The following RALY variants were observed in gnomAD, a reference collection of about 807,000 sequenced individuals.
The protein encoded by RALY is RNA-binding protein Raly.
In RALY, 15 loss-of-function variants were observed where a neutral mutation model predicts 30.7. That is an observed-to-expected ratio of 0.49 (90% confidence interval 0.33 to 0.75). The LOEUF is 0.75. Among genes scored for constraint, RALY ranks in the 30% least tolerant of loss-of-function variants. The pLI is 0.02. For synonymous variants in RALY, 177 were observed against 170.8 expected (o/e 1.04, Z -0.28); for missense variants, 339 against 414.3 (o/e 0.82, Z 1.58).
chr20:33,998,987 G>A (rs183438694), intron 1 of RALY, among the ~76,000 whole-genome samples: 4 of 151,936 alleles, frequency 2.6e-5, no homozygotes, highest in African/African-American at 4.8e-5. Context: ...AAAATTAGTC[G>A]GGTGTGGTGG....
chr20:34,035,187 A>AAAAAAT, intron 2 of RALY, among the ~76,000 whole-genome samples: 1 of 134,304 alleles, frequency 7.4e-6, no homozygotes, highest in Non-Finnish European at 1.6e-5. Flanking sequence ...AAAAAAAAAA[A>AAAAAAT]CAGTCTGGAG....
chr20:33,998,683 CA>C (rs1431422991), intron 1 of RALY, among the ~76,000 whole-genome samples: 1 of 152,082 alleles, frequency 6.6e-6, no homozygotes, highest in African/African-American at 2.4e-5. Context: ...ATTCAATGTG[CA>C]TTTTGGAAGG....
At chr20:34,039,840 C>CGGT (rs2032631178) in intron 2 of RALY, among the ~76,000 whole-genome samples, 1 of 152,068 alleles carries the variant, frequency 6.6e-6, no homozygotes. Flanking sequence ...GGGCTGGGCG[C>CGGT]GGTGGCTCAT....
intron 2 of RALY, among the ~76,000 whole-genome samples, chr20:34,045,078 T>TA (rs1450588194): frequency 3.9e-5 from 6 of 151,988 alleles, no homozygotes; most frequent in African/African-American, 7.3e-5. Context: ...CCTAGCTAAT[T>TA]AAAAATTTTT....
At chr20:34,068,325 A>AG (rs1250665309) in intron 2 of RALY, among the ~76,000 whole-genome samples, 1 of 152,172 alleles carries the variant, frequency 6.6e-6, no homozygotes, top group Non-Finnish European at 1.5e-5. Flanking sequence ...ACTCTAAGCT[A>AG]GGGGGTACCT....
chr20:34,008,308 A>G (rs901574889), intron 1 of RALY, among the ~76,000 whole-genome samples: 1 of 152,176 alleles, frequency 6.6e-6, no homozygotes, highest in African/African-American at 2.4e-5. Flanking sequence ...ACATAGAATA[A>G]TGATGGAATG....
At chr20:34,055,858 TG>T (rs1299048696) in intron 2 of RALY, among the ~76,000 whole-genome samples, 1 of 152,238 alleles carries the variant, frequency 6.6e-6, no homozygotes, top group Non-Finnish European at 1.5e-5. Flanking sequence ...AATGGATCCA[TG>T]GGCACTATTG....
Position 34,075,897 on chromosome 20 carries a change from T to G in RALY, c.401T>G (p.Leu134Arg), listed in dbSNP as rs1240745467. The G allele has an allele frequency of 6.2e-7, 1 of 1,613,920 alleles. No individual in the cohort carries two copies. The part of the protein sequence containing the change: ...YDRLFDYRGR[L>R]SPVPVPRAVP... ...AGGCTCTTCGACTACCGGGGCCGTC[T>G]GTCGCCCGTGCCAGTGCCCAGGGCG... The change falls in exon 6 of 10, where the codon CTG becomes CGG. Residue 134 changes from leucine (L) to arginine (R), a missense_variant. This residue lies in a region of RALY where 268 missense variants were observed against 280.6 expected (regional missense o/e 0.95). Coordinates refer to ENST00000246194, the MANE Select transcript of RALY (RefSeq NM_016732.3).
At chr20:34,037,116 T>C (rs1011750875) in intron 2 of RALY, among the ~76,000 whole-genome samples, 1 of 152,236 alleles carries the variant, frequency 6.6e-6, no homozygotes, top group Non-Finnish European at 1.5e-5. Flanking sequence ...CTCCTTCTGA[T>C]ACAGTAGCCT....
chr20:34,035,808 GA>G (rs776007365), intron 2 of RALY, among the ~76,000 whole-genome samples: 83 of 152,128 alleles, frequency 5.5e-4, no homozygotes, highest in Non-Finnish European at 9.0e-4. Context: ...TAAATCTGAA[GA>G]AAAATAGCAG....
At chr20:34,057,594 G>A (rs919477960) in intron 2 of RALY, among the ~76,000 whole-genome samples, 1 of 151,356 alleles carries the variant, frequency 6.6e-6, no homozygotes, top group Non-Finnish European at 1.5e-5. Context: ...ATGAACCTGG[G>A]AGGCGGAGCT....
At chr20:34,034,624 A>G (rs574056525) in intron 2 of RALY, among the ~76,000 whole-genome samples, 33 of 152,384 alleles carry the variant, frequency 2.2e-4, no homozygotes, top group Admixed American at 4.6e-4. Context: ...TCATTTTTCC[A>G]GAGTCCAACT....
chr20:34,051,712 C>T (rs1389838661), intron 2 of RALY, among the ~76,000 whole-genome samples: 2 of 152,184 alleles, frequency 1.3e-5, no homozygotes, highest in Non-Finnish European at 2.9e-5. Context: ...TCTCCTGCCT[C>T]AGCCTCCCCA....
chr20:34,037,227 G>A (rs2032529336), intron 2 of RALY, among the ~76,000 whole-genome samples: 1 of 152,190 alleles, frequency 6.6e-6, no homozygotes, highest in Non-Finnish European at 1.5e-5. Context: ...GGGTGCTAGG[G>A]CTAGACCCAT....
chr20:34,046,008 A>G lies in RALY; in HGVS notation c.-10+14404A>G, dbSNP rs374806987. On this transcript the variant is annotated intron_variant, in intron 2 of 9. Coordinates refer to ENST00000246194, the MANE Select transcript of RALY (RefSeq NM_016732.3). The stretch of plus-strand genomic sequence containing the variant: ...ACCCATGTAATTGACACAAGCAGCT[A>G]GCAGCATTCCAGGACCCCATGCCAC... 1.9e-4 allele frequency among the ~76,000 whole-genome samples: 29 copies of G among 152,334 alleles called. No homozygotes were observed. In the South Asian group the frequency reaches 3.7e-3, roughly 20 times the overall value.
intron 2 of RALY, among the ~76,000 whole-genome samples, chr20:34,069,749 CT>C (rs1275050646): frequency 2.0e-5 from 3 of 152,196 alleles, no homozygotes; most frequent in Non-Finnish European, 4.4e-5. Flanking sequence ...GTGTTACTAC[CT>C]TTGTGTCCCT....
intron 8 of RALY, chr20:34,077,722 G>A (rs1047717262): frequency 4.5e-6 from 1 of 223,110 alleles, no homozygotes; most frequent in African/African-American, 2.4e-5. Context: ...CATTTGACAA[G>A]GAGCTTATGT....
chr20:34,077,302 G>A lies in RALY; in HGVS notation c.876+57G>A, dbSNP rs947803562. 6.9e-6 allele frequency: 11 copies of A among 1,602,624 alleles called. No homozygotes were observed. The Admixed American group carries it at 1.0e-4, about 15-fold the overall frequency. Reference sequence around the variant, plus strand: ...TCGACTGTGCTCCTACTCTCAGGAGGCCAACAGGGGAATGGGCAGCCTGAG... The same window carrying A: ...TCGACTGTGCTCCTACTCTCAGGAGACCAACAGGGGAATGGGCAGCCTGAG... On this transcript the variant is annotated intron_variant, in intron 8 of 9. Coordinates refer to ENST00000246194, the MANE Select transcript of RALY (RefSeq NM_016732.3).
In RALY at chr20:33,996,620, T is replaced by TA. The variant is rs1356846754; in HGVS notation, c.-93+2489_-93+2490insA. 7.3e-3 allele frequency among the ~76,000 whole-genome samples: 1,077 copies of TA among 147,456 alleles called. 19 individuals are homozygous for TA. The highest frequency in any genetic ancestry group is 0.028 in the African/African-American group (1,022 of 36,864). Reference sequence around the variant, plus strand: ...TAACCTTAAAGCTGGCATGCTTTTTTTAAAAAAAAAATTGTGGTAAAATAT... The same window carrying TA: ...TAACCTTAAAGCTGGCATGCTTTTTTATAAAAAAAAAATTGTGGTAAAATAT... On this transcript the variant is annotated intron_variant, in intron 1 of 9. Transcript: ENST00000246194.
Sources: allele counts gnomAD v4.1 joint callset (sites outside exome capture counted in the v4.1 genomes callset), GRCh38; gene constraint gnomAD v4.1.1; regional missense constraint gnomAD v4.1.1; transcripts MANE v1.5; gene names NCBI Gene and HGNC (gene_info 2026-07-23, HGNC 2026-07-21).